Variants in LHPP observed in about 807,000 individuals in gnomAD.
LHPP encodes hLHPP.
Under a neutral mutation model 30.3 loss-of-function variants are expected in LHPP, and 24 were observed. The observed-to-expected ratio is 0.79, with a 90% CI of 0.57 to 1.11. The LOEUF (loss-of-function observed/expected upper bound fraction) is 1.11. Ranked by LOEUF, LHPP falls within the 50% of genes most tolerant of loss-of-function variation. LHPP has a pLI of 0.00. For missense variants in LHPP, 356 were observed against 367.2 expected, an observed-to-expected ratio of 0.97 and a Z score of 0.25; for synonymous variants, 150 against 157.1, an observed-to-expected ratio of 0.95 and a Z score of 0.34.
chr10:124,484,127 C>T lies in LHPP; in HGVS notation c.126-12C>T, dbSNP rs1339960979. The stretch of plus-strand genomic sequence containing the variant: ...GTGCTGACTTCCCGGGCCTGTGTCT[C>T]CCCTGCCGCAGACTGAAGCGTTCCC... On this transcript the variant is annotated splice_polypyrimidine_tract_variant and intron_variant, in intron 1 of 6. Transcript: ENST00000368842. 1.2e-6 allele frequency: 2 copies of T among 1,612,584 alleles called. No homozygotes were observed. Among genetic ancestry groups the T allele is most frequent in the Admixed American group, 1.7e-5 (1 of 59,868 alleles).
chr10:124,533,701 G>A lies in LHPP; in HGVS notation c.716+16430G>A, dbSNP rs531892313. On this transcript the variant is annotated intron_variant, in intron 6 of 6. Coordinates refer to ENST00000368842, the MANE Select transcript of LHPP (RefSeq NM_022126.4). ...CCCAGGTGGCCCGCTTCTGCCACCC[G>A]CACTATATCCAAGACACAGCCCAGC... 4.6e-5 allele frequency among the ~76,000 whole-genome samples: 7 copies of A among 152,344 alleles called. No individual in the cohort carries two copies. In the East Asian group the frequency reaches 7.7e-4, roughly 17 times the overall value.
chr10:124,497,118 C>G, intron 4 of LHPP, 94 bp downstream of exon 4: 1 of 1,008,670 alleles, frequency 9.9e-7, no homozygotes, highest in Middle Eastern at 2.1e-4. Flanking sequence ...GCTTAATTAA[C>G]GTACAAATGG....
At chr10:124,540,609 C>T (rs1955157772) in intron 6 of LHPP, among the ~76,000 whole-genome samples, 1 of 152,198 alleles carries the variant, frequency 6.6e-6, no homozygotes, top group South Asian at 2.1e-4. Context: ...CGGGGCTGCT[C>T]GGGGTGGCCT....
Position 124,604,945 on chromosome 10 carries a change from C to T in LHPP, c.717-8319C>T, listed in dbSNP as rs187406974. Among the ~76,000 whole-genome samples, 334 of 152,348 alleles carry T rather than the reference C, an allele frequency of 2.2e-3. 1 individual carries two copies. Among genetic ancestry groups the T allele is most frequent in the Admixed American group, 4.2e-3 (65 of 15,312 alleles). ...CGGGTGGGCCACCGACTGGGAGTCC[C>T]GGGCAGCTCAGGTCCCTCAAGAGCC... is the stretch of plus-strand genomic sequence containing the variant. On this transcript the variant is annotated intron_variant, in intron 6 of 6. Transcript: ENST00000368842.
intron 6 of LHPP, among the ~76,000 whole-genome samples, chr10:124,584,121 G>A (rs1375325535): frequency 6.6e-6 from 1 of 151,928 alleles, no homozygotes. Context: ...TAGTCCATTT[G>A]TGCTGCTATA....
rs572890238 is a variant in LHPP, at chr10:124,547,740, C to T, written c.716+30469C>T. On this transcript the variant is annotated intron_variant, in intron 6 of 6. Coordinates refer to ENST00000368842, the MANE Select transcript of LHPP (RefSeq NM_022126.4). ...TCAGGCTGGACCCAGCCCTGACCAG[C>T]GGGGCCATCGGGCGTCCTGGGCCCT... is the stretch of plus-strand genomic sequence containing the variant. 2.9e-3 allele frequency among the ~76,000 whole-genome samples: 442 copies of T among 151,942 alleles called. 2 individuals are homozygous for T. The highest frequency in any genetic ancestry group is 0.01 in the African/African-American group (432 of 41,308).
chr10:124,600,389 G>A (rs536997623), intron 6 of LHPP, among the ~76,000 whole-genome samples: 11 of 152,252 alleles, frequency 7.2e-5, no homozygotes, highest in Non-Finnish European at 1.2e-4. Context: ...TGGGGGGCTC[G>A]CCTCTTAGGG....
chr10:124,545,683 AGT>A (rs1254115536), intron 6 of LHPP, among the ~76,000 whole-genome samples: 2 of 152,052 alleles, frequency 1.3e-5, no homozygotes, highest in African/African-American at 4.8e-5. Context: ...TGCGAATGTG[AGT>A]GTGTGTGCAC....
chr10:124,502,098 T>C (rs981339286), intron 5 of LHPP, among the ~76,000 whole-genome samples: 1 of 151,988 alleles, frequency 6.6e-6, no homozygotes, highest in African/African-American at 2.4e-5. Flanking sequence ...GTTGCAAACA[T>C]AGTACAAAAT....
At chr10:124,559,246 A>T (rs1246344561) in intron 6 of LHPP, among the ~76,000 whole-genome samples, 1 of 152,188 alleles carries the variant, frequency 6.6e-6, no homozygotes, top group Non-Finnish European at 1.5e-5. Flanking sequence ...TTCTGGCAAA[A>T]CAGTGCTATC....
chr10:124,498,235 C>T, intron 5 of LHPP, 107 bp downstream of exon 5: 1 of 1,494,020 alleles, frequency 6.7e-7, no homozygotes, highest in Non-Finnish European at 9.3e-7. Flanking sequence ...GTTGGCCAGG[C>T]AGCCAAGCGT....
At chr10:124,516,172 G>A (rs1954448591) in intron 5 of LHPP, among the ~76,000 whole-genome samples, 1 of 152,232 alleles carries the variant, frequency 6.6e-6, no homozygotes, top group South Asian at 2.1e-4. Context: ...CTTGAAGCCT[G>A]AGATCAGGGT....
intron 6 of LHPP, among the ~76,000 whole-genome samples, chr10:124,518,488 C>T (rs374185469): frequency 6.6e-6 from 1 of 152,248 alleles, no homozygotes; most frequent in Non-Finnish European, 1.5e-5. Flanking sequence ...TAGTTGATGC[C>T]GGGTGCTGCC....
intron 6 of LHPP, among the ~76,000 whole-genome samples, chr10:124,538,461 C>T (rs1009924486): frequency 4.6e-5 from 7 of 152,202 alleles, no homozygotes; most frequent in African/African-American, 1.4e-4. Context: ...ACAGGAGCAG[C>T]AGGCTGTTTG....
At chr10:124,559,791 A>G (rs1948362262) in intron 6 of LHPP, among the ~76,000 whole-genome samples, 1 of 152,248 alleles carries the variant, frequency 6.6e-6, no homozygotes, top group Admixed American at 6.5e-5. Flanking sequence ...CTTTGGTGGC[A>G]CAGGCCTTCC....
intron 6 of LHPP, among the ~76,000 whole-genome samples, chr10:124,548,567 G>A (rs1268978846): frequency 6.6e-6 from 1 of 152,212 alleles, no homozygotes; most frequent in Non-Finnish European, 1.5e-5. Flanking sequence ...TGCACCTGCA[G>A]CTGAGGCATG....
In LHPP at chr10:124,596,026, T is replaced by C. The variant is rs1328114247; in HGVS notation, c.717-17238T>C. Among the ~76,000 whole-genome samples, 2 of 152,104 alleles carry C rather than the reference T, an allele frequency of 1.3e-5. No individual in the cohort carries two copies. Among genetic ancestry groups the C allele is most frequent in the African/African-American group, 2.4e-5 (1 of 41,402 alleles). ...TGCCTGACGGTAAACTTGAGGTGAA[T>C]GGGCTCCTACCCATGAACACCCACC... On this transcript the variant is annotated intron_variant, in intron 6 of 6. Transcript: ENST00000368842. This position sits in a 1 kb window ranked among gnomAD's most constrained non-coding sequence, Gnocchi z 4.6.
intron 6 of LHPP, among the ~76,000 whole-genome samples, chr10:124,602,057 C>T (rs1949030181): frequency 6.6e-6 from 1 of 152,206 alleles, no homozygotes; most frequent in African/African-American, 2.4e-5. Flanking sequence ...GGAGTGGAGA[C>T]CCCTGCCTAC....
At chr10:124,544,856 A>T (rs904031696) in intron 6 of LHPP, among the ~76,000 whole-genome samples, 1 of 151,788 alleles carries the variant, frequency 6.6e-6, no homozygotes, top group Non-Finnish European at 1.5e-5. Flanking sequence ...AGACACCATC[A>T]CGTGGAAGGC....
Sources: allele counts gnomAD v4.1 joint callset (sites outside exome capture counted in the v4.1 genomes callset), GRCh38; gene constraint gnomAD v4.1.1; non-coding constraint Gnocchi (gnomAD v3.1); transcripts MANE v1.5; gene names NCBI Gene and HGNC (gene_info 2026-07-23, HGNC 2026-07-21).